The following MYO7B variants were observed in gnomAD, a reference collection of about 807,000 sequenced individuals.
MYO7B encodes myosin VIIB.
MYO7B carries 212 observed loss-of-function variants against 259.7 expected under a neutral mutation model. The observed-to-expected ratio is 0.82, with a 90% CI of 0.73 to 0.91. The LOEUF is 0.91. MYO7B is among the 40% of genes least tolerant of loss of function. The pLI is 0.00. For missense variants in MYO7B, 2,732 were observed against 2,813.5 expected, an observed-to-expected ratio of 0.97 and a Z score of 0.66; for synonymous variants, 1,197 against 1,166.4, an observed-to-expected ratio of 1.03 and a Z score of -0.54.
At position 127,628,563 on chromosome 2, in the gene MYO7B, G is replaced by C. The variant is rs1170238359; in HGVS notation, c.4624+28G>C. On this transcript the variant is annotated intron_variant, in intron 34 of 47. Transcript: ENST00000409816. This position sits in a 1 kb window ranked among gnomAD's most constrained non-coding sequence, Gnocchi z 4.8. Reference sequence around the variant, plus strand: ...GCCAGACTGGGTGGGGTGGGGTGGGGTGGGGTGGGGTGGGGGAGGGCCGCG... The same window carrying C: ...GCCAGACTGGGTGGGGTGGGGTGGGCTGGGGTGGGGTGGGGGAGGGCCGCG... The C allele has an allele frequency of 8.3e-7, 1 of 1,198,278 alleles. No individual in the cohort carries two copies. The highest frequency in any genetic ancestry group is 1.2e-6 in the Non-Finnish European group (1 of 866,890). 74.2% of individuals were successfully genotyped at this position (1,198,278 alleles called of 1,614,324 possible). A position where few individuals can be genotyped will look rare whatever the true frequency, so the allele number is the denominator to read the frequency against.
At position 127,577,673 on chromosome 2, in the gene MYO7B, C is replaced by T. The variant is rs904956176; in HGVS notation, c.850-460C>T. 6.6e-6 allele frequency among the ~76,000 whole-genome samples: 1 copy of T among 152,196 alleles called. No individual in the cohort carries two copies. The highest frequency in any genetic ancestry group is 1.5e-5 in the Non-Finnish European group (1 of 68,040). ...TGCACCTCCTCCAAGAAGCCTTTCT[C>T]CACCTCTCGATAGGGCTGGCCCCGG... is the stretch of plus-strand genomic sequence containing the variant. On this transcript the variant is annotated intron_variant, in intron 8 of 47. Transcript: ENST00000409816. The surrounding 1 kb of genome is among the most constrained non-coding windows in gnomAD (Gnocchi z 5.2).
intron 7 of MYO7B, among the ~76,000 whole-genome samples, chr2:127,574,782 G>T (rs1455389739): frequency 6.6e-6 from 1 of 152,180 alleles, no homozygotes; most frequent in Non-Finnish European, 1.5e-5. Flanking sequence ...TGCTCAGGGG[G>T]CCCCATGCTT....
intron 19 of MYO7B, among the ~76,000 whole-genome samples, chr2:127,601,361 C>T (rs1558827282): frequency 6.6e-6 from 1 of 152,134 alleles, no homozygotes. Flanking sequence ...GTGTTGAAGT[C>T]TATATTGTTG....
intron 5 of MYO7B, among the ~76,000 whole-genome samples, chr2:127,569,493 G>A (rs909871396): frequency 6.6e-6 from 1 of 152,206 alleles, no homozygotes; most frequent in Non-Finnish European, 1.5e-5. Flanking sequence ...ATCTCACTCA[G>A]TCTTCTGTAC....
intron 10 of MYO7B, among the ~76,000 whole-genome samples, chr2:127,581,546 T>C (rs1446387564): frequency 1.3e-5 from 2 of 152,200 alleles, no homozygotes; most frequent in Non-Finnish European, 1.5e-5. Context: ...CAGCACACTC[T>C]CTTGCTCCTT....
At chr2:127,580,645 C>T (rs2104930539) in intron 9 of MYO7B, 101 bp from the exon 10 acceptor site, 2 of 1,168,996 alleles carry the variant, frequency 1.7e-6, no homozygotes, top group Non-Finnish European at 2.5e-6. Context: ...CAGCTGTCCT[C>T]CTGAGTGGAT....
chr2:127,632,421 C>T lies in MYO7B; in HGVS notation c.5405+20C>T. ...CCTGAGGTGAGCCCAGTGCCTCCAG[C>T]CCCCAGCATTGGCCCTGGGCCCGCA... is the stretch of plus-strand genomic sequence containing the variant. On this transcript the variant is annotated intron_variant, in intron 39 of 47. Transcript: ENST00000409816. 1 of 1,510,750 alleles carries T rather than the reference C, an allele frequency of 6.6e-7. No individual in the cohort carries two copies. The highest frequency in any genetic ancestry group is 2.2e-5 in the Admixed American group (1 of 44,958). The allele number at this position is 1,510,750 out of a possible 1,614,324, so 93.6% of individuals were successfully genotyped here. A position where few individuals can be genotyped will look rare whatever the true frequency, so the allele number is the denominator to read the frequency against.
Position 127,627,086 on chromosome 2 carries a change from C to T in MYO7B, c.4327C>T (p.Leu1443Phe). ...CTCCCGGCTCTTCGAAGTCATCACA[C>T]TCTCAGGTAATGGCATCTGACAGGG... ...LFSRLFEVIT[L>F]SGPRLPKTQL... The change falls in exon 32 of 48, where the codon CTC becomes TTC. Residue 1443 changes from leucine to phenylalanine, a missense_variant. Leu to Phe is a conservative substitution (Grantham distance 22). Transcript: ENST00000409816. The surrounding 1 kb of genome is among the most constrained non-coding windows in gnomAD (Gnocchi z 5.6). The T allele has an allele frequency of 1.2e-6, 2 of 1,610,610 alleles. No homozygotes were observed. Among genetic ancestry groups the T allele is most frequent in the South Asian group, 1.1e-5 (1 of 90,504 alleles).
At chr2:127,625,901 CT>C (rs1681084740) in intron 31 of MYO7B, 3 of 222,744 alleles carry the variant, frequency 1.3e-5, no homozygotes, top group Non-Finnish European at 2.6e-5. Context: ...GCCTCTGGGC[CT>C]CAGCATCCCC....
chr2:127,627,287 G>A lies in MYO7B; in HGVS notation c.4437G>A (p.Glu1479=), dbSNP rs913087920. ...TGCTGCTGGAACTCTCTTTCCCAGA[G>A]GTCATGGGTCTGGCCACCAACAGGT... The part of the protein sequence containing the change: ...EKMLLELSFP[E]VMGLATNREA... Residue 1479 remains glutamate (E), a synonymous_variant, in exon 33 of 48, where the codon GAG becomes GAA. Transcript: ENST00000409816. This position sits in a 1 kb window ranked among gnomAD's most constrained non-coding sequence, Gnocchi z 5.6. 3.7e-6 allele frequency: 6 copies of A among 1,613,080 alleles called. No homozygotes were observed. In the East Asian group the frequency reaches 1.3e-4, roughly 36 times the overall value.
rs1293203198 is a variant in MYO7B, at chr2:127,614,554, C to G, written c.3398+1951C>G. Among the ~76,000 whole-genome samples, 1 of 152,174 alleles carries G rather than the reference C, an allele frequency of 6.6e-6. No homozygotes were observed. Among genetic ancestry groups the G allele is most frequent in the African/African-American group, 2.4e-5 (1 of 41,432 alleles). On this transcript the variant is annotated intron_variant, in intron 26 of 47. Coordinates refer to ENST00000409816, the MANE Select transcript of MYO7B (RefSeq NM_001393586.1). The surrounding 1 kb of genome is among the most constrained non-coding windows in gnomAD (Gnocchi z 4.6). ...CTAACTCCAGAGTACAAAAGTCAAG[C>G]ACTAGCAAGAACTCAATCAACAGGC...
intron 29 of MYO7B, 64 bp from the exon 30 acceptor site, chr2:127,624,029 G>C: frequency 7.0e-7 from 1 of 1,422,216 alleles, no homozygotes; most frequent in Non-Finnish European, 9.5e-7. Context: ...CGCTGACGGT[G>C]GGCGTCCCCG....
chr2:127,573,999 C>T lies in MYO7B; in HGVS notation c.672C>T (p.Ser224=), dbSNP rs372953123. ...GKYIDIYFNP[S]GVIEGARIEQ... ...ACATTGACATCTACTTTAACCCCAG[C>T]GGGGTGATCGAGGGCGCGCGCATCG... Residue 224 remains serine (S), a synonymous_variant, in exon 7 of 48, where the codon AGC becomes AGT. Transcript: ENST00000409816. The T allele has an allele frequency of 9.4e-5, 151 of 1,613,946 alleles. No individual in the cohort carries two copies. The highest frequency in any genetic ancestry group is 2.4e-4 in the African/African-American group (18 of 74,940).
At chr2:127,569,314 G>T (rs1223977988) in intron 5 of MYO7B, among the ~76,000 whole-genome samples, 1 of 152,174 alleles carries the variant, frequency 6.6e-6, no homozygotes, top group Non-Finnish European at 1.5e-5. Context: ...GTTGAAGCTG[G>T]ATAATGGGAC....
At position 127,637,687 on chromosome 2, in the gene MYO7B, C is replaced by T. The variant is rs1014015846; in HGVS notation, c.*270C>T. On this transcript the variant is annotated 3_prime_UTR_variant, in exon 48 of 48. Coordinates refer to ENST00000409816, the MANE Select transcript of MYO7B (RefSeq NM_001393586.1). Reference sequence around the variant, plus strand: ...GACAGGACACCTCCCAACCCCACCCCACCCCACCAGAATGTTCAATAAAAA... The same window carrying T: ...GACAGGACACCTCCCAACCCCACCCTACCCCACCAGAATGTTCAATAAAAA... The T allele has an allele frequency of 7.6e-6, 3 of 396,710 alleles. No individual in the cohort carries two copies. The highest frequency in any genetic ancestry group is 2.0e-5 in the African/African-American group (1 of 48,808). 24.6% of individuals were successfully genotyped at this position (396,710 alleles called of 1,614,324 possible).
rs765756611 is a variant in MYO7B, at chr2:127,573,961, C to T, written c.634C>T (p.Arg212Cys). 4.3e-5 allele frequency: 70 copies of T among 1,613,950 alleles called. No homozygotes were observed. The highest frequency in any genetic ancestry group is 5.8e-5 in the Non-Finnish European group (68 of 1,179,912). ...GACAATCCGCAACGACAACTCAAGC[C>T]GCTTTGGGAAGTACATTGACATCTA... ...AKTIRNDNSS[R>C]FGKYIDIYFN... The change falls in exon 7 of 48, where the codon CGC becomes TGC. Residue 212 changes from arginine to cysteine, a missense_variant. Physicochemically the swap from Arg to Cys is radical, Grantham distance 180. Around this residue, in one of 3 missense-constraint regions of MYO7B, gnomAD observed 1,906 missense variants for 2,026.4 expected, o/e 0.94. Transcript: ENST00000409816.
At chr2:127,594,045 G>A (rs549955569) in intron 18 of MYO7B, among the ~76,000 whole-genome samples, 8 of 152,382 alleles carry the variant, frequency 5.2e-5, no homozygotes, top group Non-Finnish European at 1.0e-4. Flanking sequence ...CTACACTGGG[G>A]AGGCCCAGCC....
chr2:127,603,062 G>A (rs966989926), intron 19 of MYO7B, among the ~76,000 whole-genome samples: 5 of 150,786 alleles, frequency 3.3e-5, no homozygotes, highest in South Asian at 2.1e-4. Context: ...CAGCAAATTC[G>A]CCACATCTTC....
Position 127,624,102 on chromosome 2 carries a change from C to T in MYO7B, c.3829C>T (p.Leu1277=). Residue 1277 remains leucine (L), a synonymous_variant, in exon 30 of 48, where the codon CTG becomes TTG. Coordinates refer to ENST00000409816, the MANE Select transcript of MYO7B (RefSeq NM_001393586.1). ...CCGACTCTGGCCTCAGTTCTGGTCC[C>T]TGGGCAGCGGGCGCGACCACATGAT... ...QVAVYDKFWS[L]GSGRDHMMDA... is the part of the protein sequence containing the mutation. 2 of 1,567,900 alleles carry T rather than the reference C, an allele frequency of 1.3e-6. No individual in the cohort carries two copies. The highest frequency in any genetic ancestry group is 1.2e-5 in the South Asian group (1 of 85,144).
Sources: gnomAD v4.1 joint callset for allele counts (sites outside exome capture counted in the v4.1 genomes callset) on GRCh38, gnomAD v4.1.1 for gene constraint, gnomAD v4.1.1 regional missense constraint, Gnocchi (gnomAD v3.1) non-coding constraint, MANE v1.5 for transcripts, NCBI Gene and HGNC (gene_info 2026-07-23, HGNC 2026-07-21) for gene names.